The following PCMT1 variants were observed in gnomAD, a reference collection of about 807,000 sequenced individuals.
PCMT1 encodes the protein protein-L-isoaspartate (D-aspartate) O-methyltransferase.
PCMT1 carries 9 observed loss-of-function variants against 29.2 expected under a neutral mutation model. That is an observed-to-expected ratio of 0.31 (90% CI 0.19 to 0.54). The LOEUF (loss-of-function observed/expected upper bound fraction) is 0.54. PCMT1 is among the 20% of genes least tolerant of loss of function. The pLI, the probability that PCMT1 is intolerant of heterozygous loss-of-function variation, is 0.95. For missense variants in PCMT1, 184 were observed against 282.2 expected (o/e 0.65, Z 2.49); for synonymous variants, 98 against 97.5 (o/e 1.00, Z -0.03).
chr6:149,759,564 A>G (rs1020706013), intron 1 of PCMT1, among the ~76,000 whole-genome samples: 3 of 151,762 alleles, frequency 2.0e-5, no homozygotes, highest in Non-Finnish European at 2.9e-5. Flanking sequence ...GCGGGATCTC[A>G]GCTCACTGCA....
intron 1 of PCMT1, among the ~76,000 whole-genome samples, chr6:149,767,545 C>T (rs1787141533): frequency 7.2e-5 from 11 of 151,906 alleles, no homozygotes; most frequent in Admixed American, 7.2e-4. Flanking sequence ...CTTGACCTCC[C>T]AAGCTCAAGC....
chr6:149,770,003 G>A (rs1787247412), intron 1 of PCMT1, among the ~76,000 whole-genome samples: 1 of 151,984 alleles, frequency 6.6e-6, no homozygotes, highest in African/African-American at 2.4e-5. Context: ...AGTATGGTCT[G>A]GTCTTCATCC....
chr6:149,786,035 G>A (rs111902889), intron 3 of PCMT1, among the ~76,000 whole-genome samples: 1 of 146,026 alleles, frequency 6.8e-6, no homozygotes, highest in South Asian at 2.2e-4. Context: ...CCGGGCGGGG[G>A]GCTGACCCCC....
chr6:149,769,894 G>T (rs1392139066), intron 1 of PCMT1, among the ~76,000 whole-genome samples: 1 of 150,100 alleles, frequency 6.7e-6, no homozygotes, highest in Non-Finnish European at 1.5e-5. Flanking sequence ...GCTGCACCTG[G>T]CCTTAATCTC....
intron 3 of PCMT1, among the ~76,000 whole-genome samples, chr6:149,789,415 G>A (rs1788261838): frequency 6.6e-6 from 1 of 152,058 alleles, no homozygotes; most frequent in South Asian, 2.1e-4. Flanking sequence ...CTGGCTGGGT[G>A]TGGTGGCTTA....
At chr6:149,802,469 T>G in intron 7 of PCMT1, 53 bp downstream of exon 7, 1 of 1,415,678 alleles carries the variant, frequency 7.1e-7, no homozygotes, top group Non-Finnish European at 9.3e-7. Context: ...TTTTTGGTTG[T>G]CACCTTTATG....
chr6:149,761,732 A>G (rs1786748360), intron 1 of PCMT1, among the ~76,000 whole-genome samples: 1 of 152,192 alleles, frequency 6.6e-6, no homozygotes, highest in Non-Finnish European at 1.5e-5. Flanking sequence ...ACTTGGTAAG[A>G]AAGGGTATTA....
chr6:149,778,392 C>A (rs1442303433), intron 3 of PCMT1, among the ~76,000 whole-genome samples: 1 of 151,536 alleles, frequency 6.6e-6, no homozygotes, highest in Non-Finnish European at 1.5e-5. Flanking sequence ...CCACACCCGG[C>A]TAATTTTTGT....
chr6:149,805,929 G>A (rs1775999613), intron 7 of PCMT1, among the ~76,000 whole-genome samples: 1 of 128,240 alleles, frequency 7.8e-6, no homozygotes. Context: ...GACAGAGTAA[G>A]ACTCTGTCTC....
intron 1 of PCMT1, among the ~76,000 whole-genome samples, chr6:149,757,520 T>A (rs1786556502): frequency 1.3e-5 from 2 of 152,178 alleles, no homozygotes; most frequent in African/African-American, 4.8e-5. Context: ...CATGGTGCTT[T>A]GAAGGGATGG....
chr6:149,803,044 C>T (rs1775889613), intron 7 of PCMT1, among the ~76,000 whole-genome samples: 1 of 88,726 alleles, frequency 1.1e-5, no homozygotes, highest in African/African-American at 5.0e-5. Context: ...CAGAGCAAGG[C>T]TCTGTCTCAA....
At position 149,749,954 on chromosome 6, in the gene PCMT1, G is replaced by A. The variant is rs971101823; in HGVS notation, c.53G>A (p.Arg18His). The A allele has an allele frequency of 3.7e-6, 6 of 1,609,856 alleles. No individual in the cohort carries two copies. The highest frequency in any genetic ancestry group is 5.1e-6 in the Non-Finnish European group (6 of 1,178,382). The change falls in exon 1 of 8, where the codon CGC becomes CAC. Residue 18 changes from arginine (R) to histidine (H), a missense_variant and splice_region_variant. Transcript: ENST00000464889. ...ASHSELIHNL[R>H]KNGIIKTDKV... is the part of the protein sequence containing the mutation. The stretch of plus-strand genomic sequence containing the variant: ...CACTCGGAGCTAATCCACAATCTCC[G>A]CAGTAAGTGCCACCTCCGCCCGTTG...
intron 1 of PCMT1, among the ~76,000 whole-genome samples, chr6:149,755,578 A>G (rs1786474040): frequency 6.6e-6 from 1 of 152,108 alleles, no homozygotes; most frequent in African/African-American, 2.4e-5. Context: ...TCTTTTATCT[A>G]TTTTTATTTG....
chr6:149,795,129 G>A (rs1301021405), intron 5 of PCMT1: 6 of 315,880 alleles, frequency 1.9e-5, no homozygotes, highest in Non-Finnish European at 3.7e-5. Context: ...GGAGGCGGAG[G>A]TTGCAGTGAG....
intron 3 of PCMT1, among the ~76,000 whole-genome samples, chr6:149,787,411 G>T (rs1490221930): frequency 6.6e-6 from 1 of 150,686 alleles, no homozygotes; most frequent in African/African-American, 2.5e-5. Flanking sequence ...CTGTCACCCA[G>T]GCTGGAGTGC....
At chr6:149,784,475 C>CTT (rs1262165514) in intron 3 of PCMT1, among the ~76,000 whole-genome samples, 3 of 145,336 alleles carry the variant, frequency 2.1e-5, no homozygotes, top group Non-Finnish European at 3.0e-5. Context: ...TTAACTCTCT[C>CTT]TTTTTTTTTT....
intron 6 of PCMT1, 22 bp downstream of exon 6, chr6:149,796,522 TTG>T (rs766055408): frequency 5.1e-6 from 8 of 1,565,358 alleles, no homozygotes; most frequent in South Asian, 2.3e-5. Context: ...TTTTTTCTGT[TTG>T]TGTGTTTTTA....
intron 5 of PCMT1, chr6:149,794,732 G>T (rs1267011527): frequency 6.7e-6 from 3 of 449,702 alleles, no homozygotes; most frequent in African/African-American, 4.0e-5. Flanking sequence ...CCTTTGCCCT[G>T]ATCCTGTGTG....
At chr6:149,783,139 ATTAT>A (rs1787883950) in intron 3 of PCMT1, among the ~76,000 whole-genome samples, 1 of 152,126 alleles carries the variant, frequency 6.6e-6, no homozygotes, top group African/African-American at 2.4e-5. Flanking sequence ...ACATATTATT[ATTAT>A]TTTTTTTCAA....
Sources: allele counts gnomAD v4.1 joint callset (sites outside exome capture counted in the v4.1 genomes callset), GRCh38; gene constraint gnomAD v4.1.1; transcripts MANE v1.5; gene names NCBI Gene and HGNC (gene_info 2026-07-23, HGNC 2026-07-21).